The following PAPOLA variants were observed in gnomAD, a reference collection of about 807,000 sequenced individuals.
The protein encoded by PAPOLA is polynucleotide adenylyltransferase alpha.
Under a neutral mutation model 100.6 loss-of-function variants are expected in PAPOLA, and 15 were observed. That is an observed-to-expected ratio of 0.15 (90% confidence interval 0.10 to 0.23). The LOEUF (loss-of-function observed/expected upper bound fraction) is 0.23. Ranked by LOEUF, PAPOLA falls within the 10% of genes least tolerant of loss-of-function variation. The pLI is 1.00. For missense variants in PAPOLA, 533 were observed against 884.2 expected, an observed-to-expected ratio of 0.60 and a Z score of 5.04; for synonymous variants, 293 against 300.0, an observed-to-expected ratio of 0.98 and a Z score of 0.24.
intron 2 of PAPOLA, 128 bp from the exon 3 acceptor site, chr14:96,520,878 T>A (rs1431666151): frequency 9.6e-6 from 6 of 626,388 alleles, no homozygotes; most frequent in African/African-American, 9.2e-5. Context: ...GAGCGTGCAC[T>A]AACTACAATA....
At chr14:96,524,198 A>G (rs187251306) in intron 3 of PAPOLA, among the ~76,000 whole-genome samples, 2 of 152,178 alleles carry the variant, frequency 1.3e-5, no homozygotes, top group Non-Finnish European at 1.5e-5. Context: ...AATATTGACT[A>G]AACACTTCAT....
rs547990830 is a variant in PAPOLA at position 96,542,963 on chromosome 14, T to A, written c.1289+70T>A. 8.4e-5 allele frequency: 127 copies of A among 1,509,060 alleles called. 1 individual carries two copies. In the Middle Eastern group the frequency reaches 8.6e-4, roughly 10 times the overall value. The allele number at this position is 1,509,060 out of a possible 1,614,324, so 93.5% of individuals were successfully genotyped here. A position where few individuals can be genotyped will look rare whatever the true frequency, so the allele number is the denominator to read the frequency against. ...TTATTCATAGAAGCTTTTACAGGCA[T>A]TTTTTATAACTAGTATAACTATTCT... On this transcript the variant is annotated intron_variant, in intron 14 of 21. Transcript: ENST00000216277.
chr14:96,563,393 G>C (rs1200537912), intron 21 of PAPOLA, among the ~76,000 whole-genome samples: 1 of 152,116 alleles, frequency 6.6e-6, no homozygotes, highest in East Asian at 1.9e-4. Flanking sequence ...ACTTGTGACA[G>C]ACCCTCACAT....
intron 15 of PAPOLA, among the ~76,000 whole-genome samples, chr14:96,546,585 G>A (rs755362628): frequency 6.6e-6 from 1 of 152,070 alleles, no homozygotes; most frequent in Non-Finnish European, 1.5e-5. Context: ...AATAAAGTTA[G>A]TAAGTAATAT....
rs1206369585 is a variant in PAPOLA at position 96,550,470 on chromosome 14, T to C, written c.1522-2010T>C. ...TCTAGAATATAAAGAGAATCATTAA[T>C]GATTGGAAATTTGTTTTTTGGTCCA... is the stretch of plus-strand genomic sequence containing the variant. On this transcript the variant is annotated intron_variant, in intron 16 of 21. Transcript: ENST00000216277. Among the ~76,000 whole-genome samples, 3 of 152,318 alleles carry C rather than the reference T, an allele frequency of 2.0e-5. No homozygotes were observed. In the East Asian group the frequency reaches 5.8e-4, roughly 29 times the overall value.
intron 3 of PAPOLA, among the ~76,000 whole-genome samples, chr14:96,521,840 CTCACTCTG>C (rs1451636041): frequency 6.6e-6 from 1 of 152,094 alleles, no homozygotes; most frequent in Admixed American, 6.6e-5. Flanking sequence ...GAGACAGAGT[CTCACTCTG>C]TCACCCAGGC....
At chr14:96,517,602 T>A (rs981154972) in intron 1 of PAPOLA, among the ~76,000 whole-genome samples, 1 of 152,170 alleles carries the variant, frequency 6.6e-6, no homozygotes, top group Non-Finnish European at 1.5e-5. Context: ...AACAAGACAT[T>A]ATGAATTCAG....
rs1896352662 is a variant in PAPOLA at position 96,502,546 on chromosome 14, G to A, written c.-47G>A. ...GGATCATGCCCAGGGCGGCAGCGGC[G>A]GCGGTTGCGGGGGGGAAGTGACTGG... On this transcript the variant is annotated 5_prime_UTR_variant, in exon 1 of 22. Coordinates refer to ENST00000216277, the MANE Select transcript of PAPOLA (RefSeq NM_032632.5). 2.7e-6 allele frequency: 4 copies of A among 1,476,186 alleles called. No individual in the cohort carries two copies. Among genetic ancestry groups the A allele is most frequent in the South Asian group, 1.2e-5 (1 of 80,170 alleles). The allele number at this position is 1,476,186 out of a possible 1,614,324, so 91.4% of individuals were successfully genotyped here.
At chr14:96,544,083 T>C (rs1283560796) in intron 14 of PAPOLA, 66 bp from the exon 15 acceptor site, 2 of 843,758 alleles carry the variant, frequency 2.4e-6, no homozygotes, top group Non-Finnish European at 2.0e-6. Flanking sequence ...TCTCTGATTG[T>C]CAGCCACACT....
intron 4 of PAPOLA, 77 bp from the exon 5 acceptor site, chr14:96,527,353 C>A: frequency 1.2e-6 from 1 of 853,698 alleles, no homozygotes; most frequent in South Asian, 1.5e-5. Flanking sequence ...TTCTCAACAT[C>A]AAATACTACC....
At chr14:96,515,928 T>C (rs140683445) in intron 1 of PAPOLA, among the ~76,000 whole-genome samples, 49 of 152,348 alleles carry the variant, frequency 3.2e-4, no homozygotes, top group African/African-American at 1.2e-3. Context: ...TTCTTGGGAT[T>C]GGTAGCTGTC....
intron 6 of PAPOLA, 85 bp downstream of exon 6, chr14:96,528,091 T>C (rs1350368407): frequency 1.2e-6 from 1 of 840,508 alleles, no homozygotes. Flanking sequence ...GTTTAAAGTT[T>C]ATAATTAGTG....
chr14:96,559,581 C>CTCTCTCTCTCTCTATA lies in PAPOLA; in HGVS notation c.2005-1067_2005-1066insCTCTCTCTCTCTATAT, dbSNP rs370979875. 1.5e-3 allele frequency among the ~76,000 whole-genome samples: 175 copies of CTCTCTCTCTCTCTATA among 120,174 alleles called. 4 individuals are homozygous for CTCTCTCTCTCTCTATA. Among genetic ancestry groups the CTCTCTCTCTCTCTATA allele is most frequent in the African/African-American group, 5.6e-3 (168 of 29,806 alleles). 78.8% of individuals were successfully genotyped at this position (120,174 alleles called of 152,430 possible). ...TCTCTCTCTCTCTCTCTCTCTCTCT[C>CTCTCTCTCTCTCTATA]TATATATATATATATACACACACAC... On this transcript the variant is annotated intron_variant, in intron 19 of 21. Transcript: ENST00000216277.
chr14:96,514,595 T>C (rs77492511), intron 1 of PAPOLA, among the ~76,000 whole-genome samples: 2,134 of 152,314 alleles, frequency 0.014, 46 homozygotes, highest in African/African-American at 0.048. Flanking sequence ...CCAAAATAAA[T>C]AGCCAACAGT....
intron 19 of PAPOLA, among the ~76,000 whole-genome samples, chr14:96,558,403 T>G (rs1032911877): frequency 2.3e-4 from 35 of 152,150 alleles, no homozygotes; most frequent in African/African-American, 8.2e-4. Flanking sequence ...TTAAGCATAA[T>G]TCTATGCATT....
At chr14:96,554,907 G>A (rs188619202) in intron 17 of PAPOLA, among the ~76,000 whole-genome samples, 1 of 152,198 alleles carries the variant, frequency 6.6e-6, no homozygotes, top group East Asian at 1.9e-4. Context: ...AGAAATAGGT[G>A]TGTCTCTTTA....
chr14:96,560,805 G>T (rs2140337986), intron 20 of PAPOLA, 94 bp downstream of exon 20: 3 of 860,824 alleles, frequency 3.5e-6, no homozygotes, highest in Non-Finnish European at 5.6e-6. Context: ...TGTGCTATAG[G>T]TTTTAGATTT....
intron 1 of PAPOLA, among the ~76,000 whole-genome samples, chr14:96,509,810 A>G (rs576638087): frequency 6.6e-6 from 1 of 152,224 alleles, no homozygotes; most frequent in African/African-American, 2.4e-5. Flanking sequence ...GACCACTGTT[A>G]TATGTGTGGT....
intron 12 of PAPOLA, among the ~76,000 whole-genome samples, chr14:96,540,639 T>C (rs1566855752): frequency 6.6e-6 from 1 of 152,204 alleles, no homozygotes; most frequent in African/African-American, 2.4e-5. Flanking sequence ...CAAATAATGC[T>C]GAGCAAATTA....
Sources: gnomAD v4.1 joint callset for allele counts (sites outside exome capture counted in the v4.1 genomes callset) on GRCh38, gnomAD v4.1.1 for gene constraint, MANE v1.5 for transcripts, NCBI Gene and HGNC (gene_info 2026-07-23, HGNC 2026-07-21) for gene names.